The following METAP1 variants were observed in gnomAD, a reference collection of about 807,000 sequenced individuals.
METAP1 encodes the protein methionine aminopeptidase 1.
Under a neutral mutation model 53.8 loss-of-function variants are expected in METAP1, and 28 were observed. The observed-to-expected ratio is 0.52, with a 90% confidence interval of 0.39 to 0.71. METAP1 has a LOEUF of 0.71. Ranked by LOEUF, METAP1 falls within the 30% of genes least tolerant of loss-of-function variation. The pLI is 0.00. For missense variants in METAP1, 389 were observed against 479.8 expected (o/e 0.81, Z 1.77); for synonymous variants, 181 against 165.7 (o/e 1.09, Z -0.71).
intron 1 of METAP1, among the ~76,000 whole-genome samples, chr4:99,001,623 T>A (rs545449671): frequency 6.6e-6 from 1 of 152,376 alleles, no homozygotes; most frequent in African/African-American, 2.4e-5. Context: ...TAAAGACTGT[T>A]ATGGGTGTAC....
rs148318347 is a variant in METAP1 at position 99,049,851 on chromosome 4, G to A, written c.931+975G>A. On this transcript the variant is annotated intron_variant, in intron 9 of 10. Coordinates refer to ENST00000296411, the MANE Select transcript of METAP1 (RefSeq NM_015143.3). ...TTCTGCATGAAAACAGTACATGAAAGCATTTAATGTTAATGTTTACAATGA... is the reference window on the plus strand; with the variant it reads ...TTCTGCATGAAAACAGTACATGAAAACATTTAATGTTAATGTTTACAATGA... 4.6e-5 allele frequency among the ~76,000 whole-genome samples: 7 copies of A among 152,230 alleles called. No individual in the cohort carries two copies. In the East Asian group the frequency reaches 1.4e-3, roughly 29 times the overall value.
chr4:99,022,956 G>C (rs1264707905), intron 1 of METAP1: 4 of 1,487,624 alleles, frequency 2.7e-6, no homozygotes, highest in Non-Finnish European at 3.6e-6. Context: ...GGACATGTAG[G>C]GGCTGGAAGT....
intron 1 of METAP1, chr4:99,005,840 G>A (rs762052219): frequency 4.6e-5 from 19 of 413,068 alleles, no homozygotes; most frequent in Non-Finnish European, 7.1e-5. Flanking sequence ...GTACCAGGTC[G>A]TCTCGCTTAC....
At chr4:99,034,687 G>C (rs1230195) in intron 3 of METAP1, among the ~76,000 whole-genome samples, 50,474 of 152,012 alleles carry the variant, frequency 0.33, 12,427 homozygotes, top group East Asian at 0.8. Context: ...ATATAGTTAC[G>C]AAAATCCACT....
intron 1 of METAP1, among the ~76,000 whole-genome samples, chr4:99,003,869 G>T (rs1723036872): frequency 6.6e-6 from 1 of 152,068 alleles, no homozygotes; most frequent in Non-Finnish European, 1.5e-5. Context: ...CTGTTTGACT[G>T]GATATAGTGT....
intron 1 of METAP1, among the ~76,000 whole-genome samples, chr4:98,996,513 C>G (rs1166531319): frequency 6.6e-6 from 1 of 152,230 alleles, no homozygotes; most frequent in Non-Finnish European, 1.5e-5. Flanking sequence ...CTGTGTAATT[C>G]ATTCTTTTCT....
chr4:99,039,936 A>T (rs911203033), intron 5 of METAP1, among the ~76,000 whole-genome samples: 1 of 152,062 alleles, frequency 6.6e-6, no homozygotes, highest in African/African-American at 2.4e-5. Context: ...CATGTTGGCC[A>T]GGCTGGTCTC....
At chr4:98,997,219 A>G (rs549162460) in intron 1 of METAP1, among the ~76,000 whole-genome samples, 2 of 152,372 alleles carry the variant, frequency 1.3e-5, no homozygotes, top group South Asian at 4.1e-4. Context: ...ATATAAATAA[A>G]TACAATCTTT....
At chr4:99,046,539 A>G (rs1319380804) in intron 8 of METAP1, among the ~76,000 whole-genome samples, 2 of 152,126 alleles carry the variant, frequency 1.3e-5, no homozygotes, top group Non-Finnish European at 2.9e-5. Context: ...GCTACCTGCA[A>G]TCCTCCCCAG....
rs759085682 is a variant in METAP1 at position 99,043,395 on chromosome 4, A to G, written c.655+8A>G. 6.3e-7 allele frequency: 1 copy of G among 1,580,102 alleles called. No homozygotes were observed. The highest frequency in any genetic ancestry group is 8.6e-7 in the Non-Finnish European group (1 of 1,162,510). On this transcript the variant is annotated splice_region_variant and intron_variant, in intron 7 of 10. Transcript: ENST00000296411. ...AAGGTGACATTGTTAATGGTAAGAAAAATATGTTACTTTCATCACCATGGG... is the reference window on the plus strand; with the variant it reads ...AAGGTGACATTGTTAATGGTAAGAAGAATATGTTACTTTCATCACCATGGG...
intron 1 of METAP1, among the ~76,000 whole-genome samples, chr4:99,009,997 G>C (rs1723391116): frequency 6.6e-6 from 1 of 152,168 alleles, no homozygotes; most frequent in Non-Finnish European, 1.5e-5. Flanking sequence ...TCATCTAGGA[G>C]TTTTATAGTT....
intron 4 of METAP1, among the ~76,000 whole-genome samples, chr4:99,038,375 T>C (rs1316917939): frequency 6.6e-6 from 1 of 152,058 alleles, no homozygotes; most frequent in Admixed American, 6.5e-5. Context: ...TTGAGATTTA[T>C]ATTTATCATG....
intron 1 of METAP1, chr4:99,022,911 G>A (rs1382686837): frequency 5.3e-6 from 8 of 1,500,366 alleles, no homozygotes; most frequent in Middle Eastern, 2.0e-4. Flanking sequence ...CTGAAAGAAC[G>A]CATCTGACCT....
chr4:99,024,235 A>G (rs1178601728), intron 1 of METAP1, among the ~76,000 whole-genome samples: 1 of 152,132 alleles, frequency 6.6e-6, no homozygotes, highest in East Asian at 1.9e-4. Context: ...TCAATTGATC[A>G]TGACCCTCTC....
chr4:99,034,258 T>G lies in METAP1; in HGVS notation c.195T>G (p.Ser65=). The change falls in exon 3 of 11, where the codon TCT becomes TCG. Residue 65 remains serine (S), a synonymous_variant. Coordinates refer to ENST00000296411, the MANE Select transcript of METAP1 (RefSeq NM_015143.3). The part of the protein sequence containing the change: ...AKDEKAKREV[S]SWTVEGDINT... ...ATGAAAAGGCGAAGCGAGAAGTGTC[T>G]TCCTGGACTGTGGAAGGTGATATTA... is the stretch of plus-strand genomic sequence containing the variant. 1 of 1,550,624 alleles carries G rather than the reference T, an allele frequency of 6.4e-7. No individual in the cohort carries two copies. Among genetic ancestry groups the G allele is most frequent in the Non-Finnish European group, 8.7e-7 (1 of 1,145,958 alleles).
In METAP1 at chr4:99,034,314, C is replaced by G. The variant is rs1388148205; in HGVS notation, c.251C>G (p.Thr84Ser). ...GACCCATGGGCAGGTTATCGATATA[C>G]TGGTAAACTCAGACCACATTATCCA... is the stretch of plus-strand genomic sequence containing the variant. ...NTDPWAGYRY[T>S]GKLRPHYPLM... The change falls in exon 3 of 11, where the codon ACT becomes AGT. Residue 84 changes from threonine (T) to serine (S), a missense_variant. Coordinates refer to ENST00000296411, the MANE Select transcript of METAP1 (RefSeq NM_015143.3). 5 of 1,543,878 alleles carry G rather than the reference C, an allele frequency of 3.2e-6. No homozygotes were observed. Among genetic ancestry groups the G allele is most frequent in the Non-Finnish European group, 4.4e-6 (5 of 1,140,050 alleles).
At chr4:99,003,740 A>G (rs1402516426) in intron 1 of METAP1, among the ~76,000 whole-genome samples, 1 of 152,224 alleles carries the variant, frequency 6.6e-6, no homozygotes, top group Non-Finnish European at 1.5e-5. Context: ...TCATACCACA[A>G]CAGTCATCAA....
chr4:99,049,362 T>C (rs938081390), intron 9 of METAP1, among the ~76,000 whole-genome samples: 1 of 152,196 alleles, frequency 6.6e-6, no homozygotes, highest in African/African-American at 2.4e-5. Flanking sequence ...TAACCTTATT[T>C]TGGCAAACAG....
At chr4:99,051,405 T>C (rs773696610) in intron 9 of METAP1, among the ~76,000 whole-genome samples, 4 of 152,170 alleles carry the variant, frequency 2.6e-5, no homozygotes, top group Non-Finnish European at 5.9e-5. Context: ...TATATAGTTT[T>C]TTTGAGACAG....
Sources: allele counts gnomAD v4.1 joint callset (sites outside exome capture counted in the v4.1 genomes callset), GRCh38; gene constraint gnomAD v4.1.1; transcripts MANE v1.5; gene names NCBI Gene and HGNC (gene_info 2026-07-23, HGNC 2026-07-21).